The following UNC13C variants were observed in gnomAD, a reference collection of about 807,000 sequenced individuals.
The protein encoded by UNC13C is protein unc-13 homolog C.
A neutral mutation model predicts 245.4 loss-of-function variants in UNC13C; 174 were observed. The observed-to-expected ratio is 0.71, with a 90% CI of 0.63 to 0.80. The LOEUF is 0.80. UNC13C is among the 30% of genes least tolerant of loss of function. The pLI is 0.00. For missense variants in UNC13C, 2,829 were observed against 2,602.9 expected (o/e 1.09, Z -1.89); for synonymous variants, 992 against 895.1 (o/e 1.11, Z -1.93).
rs148652120 is a variant in UNC13C, at chr15:54,580,887, T to C, written c.6106+12940T>C. Reference sequence around the variant, plus strand: ...TGAGAGATCTGTGACACCTGAATGATTCACACCTGCAGTTTCTAGGAACCC... The same window carrying C: ...TGAGAGATCTGTGACACCTGAATGACTCACACCTGCAGTTTCTAGGAACCC... On this transcript the variant is annotated intron_variant, in intron 30 of 32. Coordinates refer to ENST00000260323, the MANE Select transcript of UNC13C (RefSeq NM_001080534.3). Among the ~76,000 whole-genome samples the C allele has an allele frequency of 3.0e-4, 45 of 152,292 alleles. No individual in the cohort carries two copies. In the East Asian group the frequency reaches 8.5e-3, roughly 29 times the overall value.
the UNC13C span, among the ~76,000 whole-genome samples, chr15:53,952,388 C>G: frequency 6.6e-6 from 1 of 152,188 alleles, no homozygotes; most frequent in Non-Finnish European, 1.5e-5. Flanking sequence ...AAGGCCAGAT[C>G]TTGAATTCAG....
chr15:53,869,859 T>C, the UNC13C span, among the ~76,000 whole-genome samples: 1 of 152,228 alleles, frequency 6.6e-6, no homozygotes, highest in Non-Finnish European at 1.5e-5. Context: ...GCACCAGCAG[T>C]TGATCAAAGG....
chr15:54,307,872 A>G (rs1279710662), intron 13 of UNC13C, among the ~76,000 whole-genome samples: 1 of 151,962 alleles, frequency 6.6e-6, no homozygotes, highest in Non-Finnish European at 1.5e-5. Flanking sequence ...AGTCATCTTT[A>G]GTGACGAGAA....
intron 19 of UNC13C, among the ~76,000 whole-genome samples, chr15:54,454,535 A>G (rs1229352106): frequency 8.0e-5 from 12 of 150,476 alleles, no homozygotes; most frequent in African/African-American, 2.2e-4. Context: ...CTGAGATCAC[A>G]CCATTATACT....
At chr15:53,850,823 T>G in the UNC13C span, among the ~76,000 whole-genome samples, 2 of 152,052 alleles carry the variant, frequency 1.3e-5, no homozygotes, top group Non-Finnish European at 1.5e-5. Context: ...GCATTAAATC[T>G]TTGATATTTT....
chr15:53,938,778 G>T, the UNC13C span, among the ~76,000 whole-genome samples: 4 of 152,122 alleles, frequency 2.6e-5, no homozygotes, highest in Non-Finnish European at 5.9e-5. Flanking sequence ...TGAAATTAAG[G>T]CAGAAATCAA....
At position 54,475,994 on chromosome 15, in the gene UNC13C, G is replaced by A. The variant is rs1239048693; in HGVS notation, c.4934-18614G>A. On this transcript the variant is annotated intron_variant, in intron 19 of 32. Coordinates refer to ENST00000260323, the MANE Select transcript of UNC13C (RefSeq NM_001080534.3). ...GTTTTTTCCTGACTTTTTAATGATTGCCATTCTAACTGGCGTGAGATGGTA... is the reference window on the plus strand; with the variant it reads ...GTTTTTTCCTGACTTTTTAATGATTACCATTCTAACTGGCGTGAGATGGTA... 1.8e-4 allele frequency among the ~76,000 whole-genome samples: 21 copies of A among 115,412 alleles called. 1 individual carries two copies. Among genetic ancestry groups the A allele is most frequent in the East Asian group, 3.6e-4 (1 of 2,766 alleles). 75.7% of individuals were successfully genotyped at this position (115,412 alleles called of 152,430 possible). A position where few individuals can be genotyped will look rare whatever the true frequency, so the allele number is the denominator to read the frequency against.
chr15:54,417,198 T>C (rs188439407), intron 19 of UNC13C: 1 of 323,432 alleles, frequency 3.1e-6, no homozygotes, highest in East Asian at 9.0e-5. Context: ...GTTTAGAAAA[T>C]AGAAGCTACT....
chr15:54,458,680 C>CTTTTTTTTT lies in UNC13C; in HGVS notation c.4934-35913_4934-35905dup, dbSNP rs79291504. Reference sequence around the variant, plus strand: ...TTTTAAACTATTGTTCCTTTAAGGTCTTTTTTTTTTTTTTTTTTTTTTTAA... The same window carrying CTTTTTTTTT: ...TTTTAAACTATTGTTCCTTTAAGGTCTTTTTTTTTTTTTTTTTTTTTTTTTTTTTTTTAA... On this transcript the variant is annotated intron_variant, in intron 19 of 32. Transcript: ENST00000260323. 7.3e-4 allele frequency among the ~76,000 whole-genome samples: 48 copies of CTTTTTTTTT among 65,966 alleles called. 6 individuals carry two copies. Among genetic ancestry groups the CTTTTTTTTT allele is most frequent in the East Asian group, 4.7e-3 (8 of 1,704 alleles). 43.3% of individuals were successfully genotyped at this position (65,966 alleles called of 152,430 possible). A position where few individuals can be genotyped will look rare whatever the true frequency, so the allele number is the denominator to read the frequency against.
At chr15:54,592,479 G>T (rs1410022150) in intron 30 of UNC13C, among the ~76,000 whole-genome samples, 2 of 152,210 alleles carry the variant, frequency 1.3e-5, no homozygotes, top group Non-Finnish European at 2.9e-5. Flanking sequence ...GGGAGCTCCA[G>T]TGTTAGCTGT....
intron 15 of UNC13C, among the ~76,000 whole-genome samples, chr15:54,332,673 C>T (rs1054582209): frequency 6.6e-6 from 1 of 151,926 alleles, no homozygotes; most frequent in Admixed American, 6.6e-5. Context: ...CATAAGTATA[C>T]ACACATATAA....
At chr15:54,478,182 T>C (rs1892884071) in intron 19 of UNC13C, among the ~76,000 whole-genome samples, 1 of 151,202 alleles carries the variant, frequency 6.6e-6, no homozygotes, top group African/African-American at 2.4e-5. Flanking sequence ...TTATTGCATC[T>C]ATTTGATTCT....
chr15:54,039,410 C>T (rs1896721005), intron 2 of UNC13C, among the ~76,000 whole-genome samples: 1 of 152,110 alleles, frequency 6.6e-6, no homozygotes, highest in African/African-American at 2.4e-5. Flanking sequence ...GAATGACATG[C>T]CATTGGTGTT....
chr15:53,885,875 C>T, the UNC13C span, among the ~76,000 whole-genome samples: 1 of 152,054 alleles, frequency 6.6e-6, no homozygotes, highest in Non-Finnish European at 1.5e-5. Context: ...GTCATTAAGT[C>T]CTGTACTCTC....
the UNC13C span, among the ~76,000 whole-genome samples, chr15:53,971,621 G>A: frequency 2.0e-5 from 3 of 151,992 alleles, no homozygotes; most frequent in South Asian, 2.1e-4. Context: ...TGTTATAAGA[G>A]GGCAATATTT....
chr15:54,161,070 G>A (rs2032953659), intron 4 of UNC13C, among the ~76,000 whole-genome samples: 1 of 152,086 alleles, frequency 6.6e-6, no homozygotes, highest in South Asian at 2.1e-4. Flanking sequence ...GTGGATTGTT[G>A]TAAAAGAAAT....
intron 2 of UNC13C, among the ~76,000 whole-genome samples, chr15:54,088,652 A>G (rs74835954): frequency 0.012 from 1,844 of 152,210 alleles, 35 homozygotes; most frequent in African/African-American, 0.043. Context: ...TGTTCCCCTG[A>G]GGGTAAATTT....
At chr15:54,461,559 A>G (rs1891847392) in intron 19 of UNC13C, among the ~76,000 whole-genome samples, 1 of 152,210 alleles carries the variant, frequency 6.6e-6, no homozygotes, top group South Asian at 2.1e-4. Flanking sequence ...TTAAAAATCC[A>G]TTAATAATTG....
Position 54,567,867 on chromosome 15 carries a change from C to T in UNC13C, c.6026C>T (p.Ser2009Phe). The change falls in exon 30 of 33, where the codon TCT (serine) becomes TTT (phenylalanine). Residue 2009 changes from serine to phenylalanine, a missense_variant. By Grantham distance (155) the Ser-to-Phe change is radical. Coordinates refer to ENST00000260323, the MANE Select transcript of UNC13C (RefSeq NM_001080534.3). Reference protein sequence around the residue: ...NFLEKSPDLQSLRYALSLYTQ... With the variant: ...NFLEKSPDLQFLRYALSLYTQ... ...TTGGAGAAAAGCCCAGATCTTCAGT[C>T]TCTGAGATATGCTCTCAGTCTTTAT... 2 of 1,602,048 alleles carry T rather than the reference C, an allele frequency of 1.2e-6. No homozygotes were observed. Among genetic ancestry groups the T allele is most frequent in the South Asian group, 2.2e-5 (2 of 88,924 alleles).
Sources: allele counts gnomAD v4.1 joint callset (sites outside exome capture counted in the v4.1 genomes callset), GRCh38; gene constraint gnomAD v4.1.1; transcripts MANE v1.5; gene names NCBI Gene and HGNC (gene_info 2026-07-23, HGNC 2026-07-21).